The following COPZ1 variants were observed in gnomAD, a reference collection of about 807,000 sequenced individuals.
The protein encoded by COPZ1 is coat protein complex I subunit zeta 1.
In COPZ1, 4 loss-of-function variants were observed where a neutral mutation model predicts 31.7. The observed-to-expected ratio is 0.13, with a 90% CI of 0.06 to 0.29. The LOEUF (loss-of-function observed/expected upper bound fraction) is 0.29. Among genes scored for constraint, COPZ1 ranks in the 10% least tolerant of loss-of-function variants. The pLI, the probability that COPZ1 is intolerant of heterozygous loss-of-function variation, is 1.00. For synonymous variants in COPZ1, 74 were observed against 79.0 expected (o/e 0.94, Z 0.33); for missense variants, 156 against 211.5 (o/e 0.74, Z 1.63).
intron 7 of COPZ1, 83 bp downstream of exon 7, chr12:54,348,134 G>T (rs535263663): frequency 1.6e-6 from 2 of 1,270,884 alleles, no homozygotes; most frequent in East Asian, 4.6e-5. Flanking sequence ...GTGTCCAGTA[G>T]TTGGGGCTCA....
At chr12:54,325,343 A>G (rs1953610149) in intron 1 of COPZ1, 162 bp downstream of exon 1, 1 of 993,538 alleles carries the variant, frequency 1.0e-6, no homozygotes, top group Non-Finnish European at 1.4e-6. Context: ...GTAGGAGCTA[A>G]AGCCTTGGTT....
chr12:54,346,477 T>A, intron 5 of COPZ1: 1 of 527,638 alleles, frequency 1.9e-6, no homozygotes, highest in South Asian at 2.0e-5. Flanking sequence ...TTTACCATGT[T>A]GGCCAGGCTG....
intron 1 of COPZ1, among the ~76,000 whole-genome samples, chr12:54,331,019 G>A (rs554249224): frequency 6.6e-6 from 1 of 152,154 alleles, no homozygotes; most frequent in East Asian, 1.9e-4. Flanking sequence ...ATTATTAGGG[G>A]GATCTCTCCT....
At chr12:54,335,254 G>C (rs925927591) in intron 1 of COPZ1, among the ~76,000 whole-genome samples, 3 of 151,680 alleles carry the variant, frequency 2.0e-5, no homozygotes, top group South Asian at 2.1e-4. Context: ...GCTGGGAGTG[G>C]TATCTAGGAA....
At chr12:54,336,851 G>A (rs1364561163) in intron 1 of COPZ1, among the ~76,000 whole-genome samples, 5 of 151,438 alleles carry the variant, frequency 3.3e-5, no homozygotes, top group Non-Finnish European at 5.9e-5. Flanking sequence ...GTGAAACCCC[G>A]TCTCTACTAA....
At chr12:54,343,149 G>A (rs182185807) in intron 3 of COPZ1, 76 bp from the exon 4 acceptor site, 31 of 1,157,130 alleles carry the variant, frequency 2.7e-5, no homozygotes, top group Admixed American at 1.5e-4. Flanking sequence ...GAGCCACTGC[G>A]CCTGGCTGGT....
chr12:54,342,628 G>GATC (rs1187327116), intron 3 of COPZ1: 1 of 295,808 alleles, frequency 3.4e-6, no homozygotes, highest in Admixed American at 4.7e-5. Context: ...ACCTCCGAAG[G>GATC]ATCGACTAGT....
At chr12:54,325,233 G>A (rs1191083174) in intron 1 of COPZ1, 52 bp downstream of exon 1, 2 of 1,544,958 alleles carry the variant, frequency 1.3e-6, no homozygotes, top group African/African-American at 1.4e-5. Flanking sequence ...GGGGCCGGGA[G>A]TCAGGGTTCA....
chr12:54,333,123 A>G (rs1056793058), intron 1 of COPZ1, among the ~76,000 whole-genome samples: 1 of 152,116 alleles, frequency 6.6e-6, no homozygotes, highest in Admixed American at 6.6e-5. Flanking sequence ...GGCTCACTGC[A>G]ATCTCCATCT....
chr12:54,339,274 A>AG (rs1261351651), intron 1 of COPZ1, among the ~76,000 whole-genome samples: 7 of 151,790 alleles, frequency 4.6e-5, no homozygotes, highest in Non-Finnish European at 8.8e-5. Context: ...AAAAAAAAAA[A>AG]AAAGAAAGTC....
At chr12:54,345,791 A>C (rs922906406) in intron 5 of COPZ1, among the ~76,000 whole-genome samples, 3 of 151,972 alleles carry the variant, frequency 2.0e-5, no homozygotes, top group African/African-American at 4.8e-5. Context: ...CCCTGTCTCC[A>C]CTAAAAATAC....
At chr12:54,345,222 G>GCT in intron 4 of COPZ1, 1 of 484,254 alleles carries the variant, frequency 2.1e-6, no homozygotes, top group Non-Finnish European at 3.7e-6. Context: ...CTGTGACAGG[G>GCT]AAGTTCTGTT....
chr12:54,342,341 G>C, intron 3 of COPZ1, 54 bp downstream of exon 3: 3 of 1,320,242 alleles, frequency 2.3e-6, no homozygotes, highest in Admixed American at 1.7e-5. Flanking sequence ...ATGGTGGAAA[G>C]GGGGTGGTAA....
At chr12:54,343,948 A>G (rs1482996064) in intron 4 of COPZ1, among the ~76,000 whole-genome samples, 1 of 152,234 alleles carries the variant, frequency 6.6e-6, no homozygotes, top group East Asian at 1.9e-4. Flanking sequence ...AGTTGTAGGC[A>G]TTGGTGCCTT....
chr12:54,333,052 A>T (rs546650392), intron 1 of COPZ1, among the ~76,000 whole-genome samples: 4 of 151,984 alleles, frequency 2.6e-5, no homozygotes, highest in South Asian at 2.1e-4. Flanking sequence ...TTATATATAT[A>T]TTTTTTGAGA....
rs73316323 is a variant in COPZ1, at chr12:54,349,248, C to T, written c.448-372C>T. On this transcript the variant is annotated intron_variant, in intron 7 of 8. Transcript: ENST00000262061. ...GGATCCATTAAACCACTCCTGGCTC[C>T]CCCTCATCCTTTCCCTAGTGATACT... is the stretch of plus-strand genomic sequence containing the variant. Among the ~76,000 whole-genome samples the T allele has an allele frequency of 5.9e-3, 892 of 152,220 alleles. 10 individuals carry two copies. Among genetic ancestry groups the T allele is most frequent in the African/African-American group, 0.02 (843 of 41,508 alleles).
rs528434290 is a variant in COPZ1 at position 54,339,665 on chromosome 12, A to G, written c.19-882A>G. On this transcript the variant is annotated intron_variant, in intron 1 of 8. Coordinates refer to ENST00000262061, the MANE Select transcript of COPZ1 (RefSeq NM_016057.3). The stretch of plus-strand genomic sequence containing the variant: ...TGAAGTTGCAGTGGTAGAGGAGAGC[A>G]ACAGACCACCACAGGTTTTGCAAGT... Among the ~76,000 whole-genome samples, 9 of 152,294 alleles carry G rather than the reference A, an allele frequency of 5.9e-5. No homozygotes were observed. In the East Asian group the frequency reaches 1.7e-3, roughly 29 times the overall value.
rs970677261 is a variant in COPZ1, at chr12:54,345,456, A to G, written c.262-4A>G. On this transcript the variant is annotated splice_polypyrimidine_tract_variant and splice_region_variant and intron_variant, in intron 4 of 8. Coordinates refer to ENST00000262061, the MANE Select transcript of COPZ1 (RefSeq NM_016057.3). ...ATCCTTCTGCCTCCTCTGTTTCCCA[A>G]CAGCTGATGCTTATGGCTGTTCTGA... 65 of 1,612,702 alleles carry G rather than the reference A, an allele frequency of 4.0e-5. No homozygotes were observed. Among genetic ancestry groups the G allele is most frequent in the Admixed American group, 5.0e-5 (3 of 59,962 alleles).
rs1003039606 is a variant in COPZ1, at chr12:54,350,866, T to G, written c.*343T>G. On this transcript the variant is annotated 3_prime_UTR_variant, in exon 9 of 9. Coordinates refer to ENST00000262061, the MANE Select transcript of COPZ1 (RefSeq NM_016057.3). ...GCTGTAGCTACACTTCAGATTAAAG[T>G]AGGAGAAAGAATGTGCTGAGTGTTT... 1.3e-5 allele frequency: 4 copies of G among 313,252 alleles called. No individual in the cohort carries two copies. Among genetic ancestry groups the G allele is most frequent in the Admixed American group, 4.2e-5 (1 of 23,674 alleles). The allele number at this position is 313,252 out of a possible 1,614,324, so 19.4% of individuals were successfully genotyped here.
Sources: gnomAD v4.1 joint callset for allele counts (sites outside exome capture counted in the v4.1 genomes callset) on GRCh38, gnomAD v4.1.1 for gene constraint, MANE v1.5 for transcripts, NCBI Gene and HGNC (gene_info 2026-07-23, HGNC 2026-07-21) for gene names.